The following ADARB1 variants were observed in gnomAD, a reference collection of about 807,000 sequenced individuals.
The protein encoded by ADARB1 is adenosine deaminase RNA specific B1.
A neutral mutation model predicts 52.4 loss-of-function variants in ADARB1; 10 were observed. That is an observed-to-expected ratio of 0.19 (90% CI 0.12 to 0.32). The LOEUF is 0.32. Among genes scored for constraint, ADARB1 ranks in the 10% least tolerant of loss-of-function variants. The probability of loss-of-function intolerance (pLI) is 1.00; values close to 1 mark genes in which losing one functional copy is unlikely to be tolerated. For synonymous variants in ADARB1, 349 were observed against 371.1 expected (o/e 0.94, Z 0.68); for missense variants, 643 against 922.3 (o/e 0.70, Z 3.92).
chr21:45,216,532 G>A (rs2092866383), intron 9 of ADARB1, among the ~76,000 whole-genome samples: 1 of 151,816 alleles, frequency 6.6e-6, no homozygotes, highest in Non-Finnish European at 1.5e-5. Flanking sequence ...AAAATACTAG[G>A]GATTTTACAG....
At chr21:45,111,126 C>T (rs1225015809) in intron 1 of ADARB1, among the ~76,000 whole-genome samples, 3 of 152,188 alleles carry the variant, frequency 2.0e-5, no homozygotes, top group Non-Finnish European at 4.4e-5. Flanking sequence ...CAGGCTGTGC[C>T]TTCCACCCAG....
At chr21:45,124,149 T>C (rs1247649638) in intron 1 of ADARB1, among the ~76,000 whole-genome samples, 2 of 152,210 alleles carry the variant, frequency 1.3e-5, no homozygotes, top group African/African-American at 4.8e-5. Flanking sequence ...CTTTAAAAAA[T>C]ATTATTGGAT....
At chr21:45,077,394 G>A (rs1244580897) in intron 1 of ADARB1, among the ~76,000 whole-genome samples, 2 of 152,192 alleles carry the variant, frequency 1.3e-5, no homozygotes, top group African/African-American at 2.4e-5. Context: ...GGCCGGGCGC[G>A]GTGGCTCACG....
chr21:45,151,667 C>G (rs1237191467), intron 2 of ADARB1, among the ~76,000 whole-genome samples: 4 of 152,162 alleles, frequency 2.6e-5, no homozygotes, highest in Admixed American at 6.5e-5. Context: ...CAGCGTTTTT[C>G]TAGACAAGAG....
intron 2 of ADARB1, chr21:45,146,218 G>A (rs900159826): frequency 4.6e-5 from 7 of 152,302 alleles, no homozygotes; most frequent in East Asian, 1.9e-4. Context: ...CACCTGATCC[G>A]TTCTGCCGGG....
At chr21:45,152,483 C>T (rs1223166528) in intron 2 of ADARB1, 1 of 238,052 alleles carries the variant, frequency 4.2e-6, no homozygotes, top group Admixed American at 5.3e-5. Flanking sequence ...AGGAGGCTCC[C>T]TCGTCGGTAG....
At chr21:45,148,227 C>T (rs976238968) in intron 2 of ADARB1, among the ~76,000 whole-genome samples, 2 of 152,202 alleles carry the variant, frequency 1.3e-5, no homozygotes, top group African/African-American at 4.8e-5. Context: ...CCCACCAGTT[C>T]CCAAGCCCTC....
chr21:45,159,655 C>G (rs2090858239), intron 2 of ADARB1, among the ~76,000 whole-genome samples: 2 of 152,166 alleles, frequency 1.3e-5, no homozygotes, highest in Admixed American at 6.5e-5. Context: ...TTCCTGGTGT[C>G]CAATGGGAGG....
At chr21:45,163,605 G>A (rs920056086) in intron 2 of ADARB1, among the ~76,000 whole-genome samples, 16 of 151,942 alleles carry the variant, frequency 1.1e-4, no homozygotes, top group African/African-American at 3.9e-4. Flanking sequence ...CGCTGACTCT[G>A]GGCCCTCAAG....
chr21:45,112,693 C>T (rs2087597282), intron 1 of ADARB1, among the ~76,000 whole-genome samples: 2 of 152,030 alleles, frequency 1.3e-5, no homozygotes, highest in Non-Finnish European at 2.9e-5. Context: ...GGGATGTAGG[C>T]TTGTGTTATA....
Position 45,220,754 on chromosome 21 carries a change from A to T in ADARB1, c.1748-82A>T. The T allele has an allele frequency of 6.8e-7, 1 of 1,479,890 alleles. No individual in the cohort carries two copies. Among genetic ancestry groups the T allele is most frequent in the Non-Finnish European group, 9.3e-7 (1 of 1,074,720 alleles). The allele number at this position is 1,479,890 out of a possible 1,614,324, so 91.7% of individuals were successfully genotyped here. A position where few individuals can be genotyped will look rare whatever the true frequency, so the allele number is the denominator to read the frequency against. On this transcript the variant is annotated intron_variant, in intron 9 of 10. Coordinates refer to ENST00000348831, the MANE Select transcript of ADARB1 (RefSeq NM_001112.4). This position sits in a 1 kb window ranked among gnomAD's most constrained non-coding sequence, Gnocchi z 6.3. ...CCACGCACTTCTGTGGCCATGTCTG[A>T]GCACAGTGTGCCGCCCGTGGCTGCT...
chr21:45,125,290 C>T (rs568423963), intron 1 of ADARB1, among the ~76,000 whole-genome samples: 2 of 152,366 alleles, frequency 1.3e-5, no homozygotes, highest in South Asian at 4.1e-4. Context: ...TTTATTAATG[C>T]TCAGCCAGGT....
rs749436550 is a variant in ADARB1, at chr21:45,220,933, G to C, written c.1845G>C (p.Thr615=). The change falls in exon 10 of 11, where the codon ACG becomes ACC. Residue 615 remains threonine, a synonymous_variant. Transcript: ENST00000348831. This position sits in a 1 kb window ranked among gnomAD's most constrained non-coding sequence, Gnocchi z 6.3. ...GDSAIEVINA[T]TGKDELGRAS... is the part of the protein sequence containing the mutation. ...CCGCTATTGAGGTCATCAACGCCACGACTGGGAAGGATGAGCTGGGCCGCG... is the reference window on the plus strand; with the variant it reads ...CCGCTATTGAGGTCATCAACGCCACCACTGGGAAGGATGAGCTGGGCCGCG... The C allele has an allele frequency of 1.9e-6, 3 of 1,613,424 alleles. No homozygotes were observed. The South Asian group carries it at 3.3e-5, about 18-fold the overall frequency.
At chr21:45,114,903 A>G (rs771150540) in intron 1 of ADARB1, among the ~76,000 whole-genome samples, 14 of 152,356 alleles carry the variant, frequency 9.2e-5, no homozygotes, top group Middle Eastern at 3.4e-3. Flanking sequence ...AAGCAGGCAA[A>G]CTGCCAACTC....
At chr21:45,219,682 C>T (rs1006428729) in intron 9 of ADARB1, among the ~76,000 whole-genome samples, 1 of 152,112 alleles carries the variant, frequency 6.6e-6, no homozygotes, top group Non-Finnish European at 1.5e-5. Context: ...GATTTGCAAC[C>T]ACCATAAGGT....
At chr21:45,110,943 G>A (rs1172413697) in intron 1 of ADARB1, among the ~76,000 whole-genome samples, 2 of 152,162 alleles carry the variant, frequency 1.3e-5, no homozygotes, top group African/African-American at 4.8e-5. Flanking sequence ...TCTGTGAGGG[G>A]ATGGTGCTAG....
chr21:45,141,010 TG>T (rs532660953), intron 2 of ADARB1, among the ~76,000 whole-genome samples: 146 of 152,152 alleles, frequency 9.6e-4, no homozygotes, highest in African/African-American at 3.5e-3. Context: ...GGTAACATGG[TG>T]AACCCCTGTC....
intron 1 of ADARB1, among the ~76,000 whole-genome samples, chr21:45,122,435 CTGGCAT>C (rs1375105052): frequency 2.0e-5 from 3 of 152,314 alleles, no homozygotes; most frequent in Non-Finnish European, 4.4e-5. Context: ...TGCTGTGGCA[CTGGCAT>C]TTCCCTTTGT....
intron 1 of ADARB1, among the ~76,000 whole-genome samples, chr21:45,113,616 G>C (rs945754623): frequency 4.6e-5 from 7 of 151,910 alleles, no homozygotes; most frequent in African/African-American, 1.5e-4. Flanking sequence ...GGGAGTGTCT[G>C]TACAGCGTCA....
Sources: gnomAD v4.1 joint callset for allele counts (sites outside exome capture counted in the v4.1 genomes callset) on GRCh38, gnomAD v4.1.1 for gene constraint, Gnocchi (gnomAD v3.1) non-coding constraint, MANE v1.5 for transcripts, NCBI Gene and HGNC (gene_info 2026-07-23, HGNC 2026-07-21) for gene names.